Variants in TTC7B observed in about 807,000 individuals in gnomAD.
TTC7B encodes tetratricopeptide repeat protein 7B.
In TTC7B, 28 loss-of-function variants were observed where a neutral mutation model predicts 106.8. The ratio of observed to expected loss-of-function variants is 0.26; its 90% CI spans 0.19 to 0.36. The LOEUF (loss-of-function observed/expected upper bound fraction) is 0.36. TTC7B is among the 10% of genes least tolerant of loss of function. The pLI, the probability that TTC7B is intolerant of heterozygous loss-of-function variation, is 1.00. For missense variants in TTC7B, 862 were observed against 1,076.4 expected, an observed-to-expected ratio of 0.80 and a Z score of 2.79; for synonymous variants, 405 against 430.6, an observed-to-expected ratio of 0.94 and a Z score of 0.74.
Position 90,756,941 on chromosome 14 carries a change from CTAAATA to C in TTC7B, c.446-12025_446-12020del, listed in dbSNP as rs1285652219. Among the ~76,000 whole-genome samples, 11 of 152,304 alleles carry C rather than the reference CTAAATA, an allele frequency of 7.2e-5. No homozygotes were observed. In the South Asian group the frequency reaches 1.0e-3, roughly 14 times the overall value. ...AGGGTTCTTACTCTTCTTACACTCT[CTAAATA>C]TAAACAGGAAGCTTTGACCAGCAAC... is the stretch of plus-strand genomic sequence containing the variant. On this transcript the variant is annotated intron_variant, in intron 3 of 19. Transcript: ENST00000328459.
At chr14:90,720,227 C>T (rs1888838482) in intron 5 of TTC7B, among the ~76,000 whole-genome samples, 1 of 152,118 alleles carries the variant, frequency 6.6e-6, no homozygotes, top group Non-Finnish European at 1.5e-5. Flanking sequence ...GGTTTCTGCT[C>T]AGTCACTTCC....
Position 90,786,334 on chromosome 14 carries a change from A to C in TTC7B, c.122-6T>G. On this transcript the variant is annotated splice_region_variant and splice_polypyrimidine_tract_variant and intron_variant, in intron 1 of 19. Transcript: ENST00000328459. Reference sequence around the variant, plus strand: ...GAGAAGCTCTGCCATGTCATCTACAAAAACAAAGTGAGAACAAAGTGGGAG... The same window carrying C: ...GAGAAGCTCTGCCATGTCATCTACACAAACAAAGTGAGAACAAAGTGGGAG... 6.2e-7 allele frequency: 1 copy of C among 1,613,208 alleles called. No individual in the cohort carries two copies. Among genetic ancestry groups the C allele is most frequent in the Non-Finnish European group, 8.5e-7 (1 of 1,179,804 alleles).
intron 12 of TTC7B, among the ~76,000 whole-genome samples, chr14:90,653,508 C>T (rs1371176712): frequency 2.0e-5 from 3 of 152,222 alleles, no homozygotes; most frequent in Non-Finnish European, 4.4e-5. Context: ...CATGAGGCCA[C>T]CTCGCTGTGA....
chr14:90,583,261 A>T (rs1410019040), intron 18 of TTC7B, among the ~76,000 whole-genome samples: 1 of 152,252 alleles, frequency 6.6e-6, no homozygotes, highest in Non-Finnish European at 1.5e-5. Flanking sequence ...TCCTAGCCAC[A>T]GTCATTTCTG....
chr14:90,543,905 G>T (rs1022616215), intron 19 of TTC7B, among the ~76,000 whole-genome samples: 1 of 152,264 alleles, frequency 6.6e-6, no homozygotes, highest in African/African-American at 2.4e-5. Context: ...AGCAGAACCA[G>T]CCAGTGTGAT....
chr14:90,596,301 GT>G (rs1180036091), intron 17 of TTC7B, among the ~76,000 whole-genome samples: 1 of 152,082 alleles, frequency 6.6e-6, no homozygotes, highest in African/African-American at 2.4e-5. Flanking sequence ...TAACTGTTTT[GT>G]TTGGTCCACA....
At chr14:90,655,829 GA>G (rs1885925383) in intron 11 of TTC7B, among the ~76,000 whole-genome samples, 1 of 151,854 alleles carries the variant, frequency 6.6e-6, no homozygotes, top group African/African-American at 2.4e-5. Context: ...AAAAATGCAA[GA>G]AAAAATATAC....
intron 9 of TTC7B, among the ~76,000 whole-genome samples, chr14:90,673,697 C>A (rs1172435505): frequency 3.9e-5 from 6 of 152,160 alleles, no homozygotes; most frequent in African/African-American, 1.4e-4. Context: ...CCCACATTTC[C>A]ATCAGCTAAT....
At chr14:90,778,244 G>A (rs1421259914) in intron 3 of TTC7B, among the ~76,000 whole-genome samples, 2 of 152,162 alleles carry the variant, frequency 1.3e-5, no homozygotes, top group African/African-American at 4.8e-5. Context: ...CAGGTCTCCC[G>A]TGAGCCAGCA....
chr14:90,552,473 G>C (rs1442868416), intron 19 of TTC7B, among the ~76,000 whole-genome samples: 1 of 152,184 alleles, frequency 6.6e-6, no homozygotes, highest in Non-Finnish European at 1.5e-5. Flanking sequence ...CCTGCACAAG[G>C]CCCTCTCCCC....
At chr14:90,797,612 G>T (rs929402574) in intron 1 of TTC7B, among the ~76,000 whole-genome samples, 5 of 152,076 alleles carry the variant, frequency 3.3e-5, no homozygotes, top group African/African-American at 1.2e-4. Context: ...TCATGCTGGT[G>T]GGGGTATAAA....
chr14:90,696,795 G>C (rs1566841935), intron 5 of TTC7B, among the ~76,000 whole-genome samples: 1 of 152,166 alleles, frequency 6.6e-6, no homozygotes, highest in Non-Finnish European at 1.5e-5. Context: ...GGCATAAAAA[G>C]AGAAGCTGTG....
At position 90,541,366 on chromosome 14, in the gene TTC7B, G is replaced by A. The variant is rs78294490; in HGVS notation, c.*2C>T. On this transcript the variant is annotated 3_prime_UTR_variant, in exon 20 of 20. Coordinates refer to ENST00000328459, the MANE Select transcript of TTC7B (RefSeq NM_001010854.2). ...CGGCAGGTGAGGCTGGCAGGCGCCTGCTCAGAGCACGCGGGGGATGATGGT... is the reference window on the plus strand; with the variant it reads ...CGGCAGGTGAGGCTGGCAGGCGCCTACTCAGAGCACGCGGGGGATGATGGT... 1.4e-3 allele frequency: 2,284 copies of A among 1,588,538 alleles called. 20 individuals carry two copies. In the African/African-American group the frequency reaches 0.022, roughly 15 times the overall value.
intron 19 of TTC7B, among the ~76,000 whole-genome samples, chr14:90,576,800 AT>A (rs1207199452): frequency 1.2e-3 from 184 of 152,320 alleles, no homozygotes; most frequent in African/African-American, 4.2e-3. Context: ...CCCTTTCTAC[AT>A]TTTGCAACAT....
At chr14:90,660,083 G>A (rs1886125087) in intron 9 of TTC7B, among the ~76,000 whole-genome samples, 2 of 151,896 alleles carry the variant, frequency 1.3e-5, no homozygotes, top group African/African-American at 4.8e-5. Flanking sequence ...ATGGCAGGAG[G>A]TTTTAAAAAG....
intron 18 of TTC7B, among the ~76,000 whole-genome samples, chr14:90,590,362 T>A (rs1197082826): frequency 6.6e-6 from 1 of 152,112 alleles, no homozygotes; most frequent in African/African-American, 2.4e-5. Flanking sequence ...CATCTCCGAG[T>A]GACCTTTCCT....
Position 90,657,332 on chromosome 14 carries a change from T to C in TTC7B, c.1237-54A>G. ...ACTCAAAGTGTTTGACAGAACCGAA[T>C]ACTACAGCCTTCTCAGAGGGGTTTT... On this transcript the variant is annotated intron_variant, in intron 10 of 19. Coordinates refer to ENST00000328459, the MANE Select transcript of TTC7B (RefSeq NM_001010854.2). The surrounding 1 kb of genome is among the most constrained non-coding windows in gnomAD (Gnocchi z 4.2). 6.4e-7 allele frequency: 1 copy of C among 1,561,124 alleles called. No individual in the cohort carries two copies.
At chr14:90,603,256 C>A in intron 17 of TTC7B, 2 of 1,289,316 alleles carry the variant, frequency 1.6e-6, no homozygotes, top group Non-Finnish European at 2.0e-6. Flanking sequence ...TACTTACTAA[C>A]TGAAAAAAGG....
intron 3 of TTC7B, among the ~76,000 whole-genome samples, chr14:90,779,052 C>T (rs1264645567): frequency 1.3e-5 from 2 of 152,272 alleles, no homozygotes; most frequent in East Asian, 3.9e-4. Flanking sequence ...TGGAGGGACG[C>T]GCCACCCAGG....
Sources: allele counts gnomAD v4.1 joint callset (sites outside exome capture counted in the v4.1 genomes callset), GRCh38; gene constraint gnomAD v4.1.1; non-coding constraint Gnocchi (gnomAD v3.1); transcripts MANE v1.5; gene names NCBI Gene and HGNC (gene_info 2026-07-23, HGNC 2026-07-21).